ABCD4: variants seen among roughly 807,000 people sequenced by gnomAD.
The protein encoded by ABCD4 is ATP binding cassette subfamily D member 4.
In ABCD4, 53 loss-of-function variants were observed where a neutral mutation model predicts 86.3. The ratio of observed to expected loss-of-function variants is 0.61; its 90% CI spans 0.49 to 0.77. The LOEUF (loss-of-function observed/expected upper bound fraction) is 0.77. Among genes scored for constraint, ABCD4 ranks in the 30% least tolerant of loss-of-function variants. The pLI is 0.00. For missense variants in ABCD4, 757 were observed against 764.5 expected, an observed-to-expected ratio of 0.99 and a Z score of 0.12; for synonymous variants, 328 against 313.6, an observed-to-expected ratio of 1.05 and a Z score of -0.49.
In ABCD4 at chr14:74,290,078, C is replaced by T. The variant is rs772743606; in HGVS notation, c.1368G>A (p.Val456=). The T allele has an allele frequency of 1.4e-5, 23 of 1,613,928 alleles. No individual in the cohort carries two copies. The Admixed American group carries it at 2.2e-4, about 15-fold the overall frequency. Residue 456 remains valine (V), a synonymous_variant, in exon 13 of 19, where the codon GTG becomes GTA. Coordinates refer to ENST00000356924, the MANE Select transcript of ABCD4 (RefSeq NM_005050.4). Reference sequence around the variant, plus strand: ...AGAATGGCTTTTGTGGCAGGAATAGCACCCCATGGGGCCCAAAGTCCGTCA... The same window carrying T: ...AGAATGGCTTTTGTGGCAGGAATAGTACCCCATGGGGCCCAAAGTCCGTCA... The part of the protein sequence containing the change: ...QMLTDFGPHG[V]LFLPQKPFFT...
rs780272622 is a variant in ABCD4 at position 74,292,584 on chromosome 14, G to A, written c.995C>T (p.Thr332Met). ...SCFTQLIDLS[T>M]TLSDVAGYTH... ...GTAGCCAGCCACATCTGAGAGCGTC[G>A]TGGACAGGTCGATGAGCTGGGTGAA... is the stretch of plus-strand genomic sequence containing the variant. Residue 332 changes from threonine (T) to methionine (M), a missense_variant, in exon 10 of 19, where the codon ACG (threonine) becomes ATG (methionine). Coordinates refer to ENST00000356924, the MANE Select transcript of ABCD4 (RefSeq NM_005050.4). 9.9e-6 allele frequency: 16 copies of A among 1,613,952 alleles called. No homozygotes were observed. Among genetic ancestry groups the A allele is most frequent in the African/African-American group, 8.0e-5 (6 of 74,916 alleles).
At chr14:74,297,864 C>CCT in intron 4 of ABCD4, 66 bp downstream of exon 4, 1 of 1,537,504 alleles carries the variant, frequency 6.5e-7, no homozygotes, top group Non-Finnish European at 8.7e-7. Flanking sequence ...CACCAGCAGT[C>CCT]TCCAGGGCTA....
chr14:74,287,910 C>T (rs1293568465), intron 16 of ABCD4, 24 bp from the exon 17 acceptor site: 1 of 1,595,328 alleles, frequency 6.3e-7, no homozygotes, highest in East Asian at 2.2e-5. Flanking sequence ...GGAGAGAGGA[C>T]TGCTAGAGGA....
At chr14:74,293,059 C>G in intron 8 of ABCD4, 95 bp downstream of exon 8, 1 of 1,472,474 alleles carries the variant, frequency 6.8e-7, no homozygotes, top group Non-Finnish European at 9.4e-7. Context: ...CATCATGGCA[C>G]ATTTATCCTT....
chr14:74,294,584 T>C (rs2082366394), intron 7 of ABCD4: 1 of 154,552 alleles, frequency 6.5e-6, no homozygotes, highest in African/African-American at 2.4e-5. Context: ...AACGCTGATT[T>C]CAGAGGCCTC....
intron 1 of ABCD4, among the ~76,000 whole-genome samples, chr14:74,301,924 G>A (rs1273922467): frequency 6.6e-6 from 1 of 151,662 alleles, no homozygotes; most frequent in Admixed American, 6.6e-5. Flanking sequence ...AAGAAAGAAA[G>A]AAAATGTACA....
chr14:74,298,260 T>C (rs1304560702), intron 3 of ABCD4, among the ~76,000 whole-genome samples, 191 bp from the exon 4 acceptor site: 1 of 152,138 alleles, frequency 6.6e-6, no homozygotes, highest in Non-Finnish European at 1.5e-5. Context: ...CACTCACGTG[T>C]TCATTCCTTC....
At chr14:74,295,002 G>A in intron 7 of ABCD4, 146 bp downstream of exon 7, 1 of 934,542 alleles carries the variant, frequency 1.1e-6, no homozygotes, top group Non-Finnish European at 1.7e-6. Flanking sequence ...GGCAAGGGCA[G>A]GGGGAGGTAG....
intron 7 of ABCD4, chr14:74,293,559 C>T: frequency 3.9e-6 from 1 of 259,600 alleles, no homozygotes; most frequent in Non-Finnish European, 7.3e-6. Flanking sequence ...TAAAATGGAG[C>T]CAATAATACC....
At chr14:74,293,530 C>A in intron 7 of ABCD4, 1 of 323,818 alleles carries the variant, frequency 3.1e-6, no homozygotes, top group South Asian at 9.7e-5. Context: ...AGCCTCCAAG[C>A]CTCAGTTTTT....
At chr14:74,299,220 G>A (rs2083665064) in intron 3 of ABCD4, 1 of 241,720 alleles carries the variant, frequency 4.1e-6, no homozygotes, top group Admixed American at 5.1e-5. Flanking sequence ...AGGAGCAGCA[G>A]CTCTGGCTGC....
At chr14:74,296,483 G>A in intron 4 of ABCD4, 34 bp from the exon 5 acceptor site, 2 of 1,592,820 alleles carry the variant, frequency 1.3e-6, no homozygotes, top group South Asian at 1.1e-5. Context: ...CTGGACCCAG[G>A]GAGATGGGCC....
Position 74,295,946 on chromosome 14 carries a change from C to T in ABCD4, c.576G>A (p.Gly192=). Reference sequence around the variant, plus strand: ...TCACCACGGTCCCCAGGATGAAATACCCGAAGATGCTCACAGGCCCGAGCC... The same window carrying T: ...TCACCACGGTCCCCAGGATGAAATATCCGAAGATGCTCACAGGCCCGAGCC... The part of the protein sequence containing the change: ...TGWLGPVSIF[G]YFILGTVVNK... Residue 192 remains glycine, a synonymous_variant, in exon 6 of 19, where the codon GGG becomes GGA. Coordinates refer to ENST00000356924, the MANE Select transcript of ABCD4 (RefSeq NM_005050.4). The T allele has an allele frequency of 6.2e-7, 1 of 1,612,086 alleles. No homozygotes were observed. Among genetic ancestry groups the T allele is most frequent in the South Asian group, 1.1e-5 (1 of 90,740 alleles).
At chr14:74,298,450 T>C (rs938614236) in intron 3 of ABCD4, among the ~76,000 whole-genome samples, 1 of 152,112 alleles carries the variant, frequency 6.6e-6, no homozygotes, top group Non-Finnish European at 1.5e-5. Flanking sequence ...TTTGTATTTT[T>C]AGTAGAGACG....
rs373191006 is a variant in ABCD4 at position 74,286,671 on chromosome 14, T to C, written c.1752+30A>G. 33 of 1,613,792 alleles carry C rather than the reference T, an allele frequency of 2.0e-5. No homozygotes were observed. In the African/African-American group the frequency reaches 3.3e-4, roughly 16 times the overall value. On this transcript the variant is annotated intron_variant, in intron 18 of 18. Coordinates refer to ENST00000356924, the MANE Select transcript of ABCD4 (RefSeq NM_005050.4). ...GGCTGAGCCTTTGGGTTCTTTCTCC[T>C]CCTCAGGCCATCCTTGTGAGCACGG... is the stretch of plus-strand genomic sequence containing the variant.
chr14:74,287,125 C>CTG (rs2079990254), intron 17 of ABCD4, among the ~76,000 whole-genome samples: 1 of 152,230 alleles, frequency 6.6e-6, no homozygotes, highest in African/African-American at 2.4e-5. Flanking sequence ...GAAAAGTCCA[C>CTG]ACCCATCCAC....
chr14:74,293,864 T>C (rs1346832627), intron 7 of ABCD4: 2 of 151,752 alleles, frequency 1.3e-5, no homozygotes, highest in Non-Finnish European at 1.5e-5. Flanking sequence ...ATTAAGGGAG[T>C]CTGGGAAGGC....
intron 14 of ABCD4, chr14:74,289,191 G>A: frequency 7.8e-7 from 1 of 1,283,468 alleles, no homozygotes; most frequent in South Asian, 2.4e-5. Context: ...TCAGAATGCT[G>A]GGCGAAGGCT....
chr14:74,287,732 G>A, intron 17 of ABCD4, 78 bp downstream of exon 17: 1 of 1,346,542 alleles, frequency 7.4e-7, no homozygotes, highest in Non-Finnish European at 1.0e-6. Flanking sequence ...GGTGTGCCTG[G>A]GTGCCTGTGA....
Sources: gnomAD v4.1 joint callset for allele counts (sites outside exome capture counted in the v4.1 genomes callset) on GRCh38, gnomAD v4.1.1 for gene constraint, MANE v1.5 for transcripts, NCBI Gene and HGNC (gene_info 2026-07-23, HGNC 2026-07-21) for gene names.